ELMO1: variants seen among roughly 807,000 people sequenced by gnomAD.
ELMO1 encodes engulfment and cell motility 1.
A neutral mutation model predicts 98.9 loss-of-function variants in ELMO1; 26 were observed. The observed-to-expected ratio is 0.26, with a 90% CI of 0.19 to 0.36. ELMO1 has a LOEUF of 0.36. ELMO1 is among the 10% of genes least tolerant of loss of function. The pLI, the probability that ELMO1 is intolerant of heterozygous loss-of-function variation, is 1.00. For synonymous variants in ELMO1, 346 were observed against 346.0 expected (o/e 1.00, Z 0.00); for missense variants, 627 against 935.2 (o/e 0.67, Z 4.30).
chr7:37,381,517 TCTTAA>T (rs1802580530), intron 1 of ELMO1, among the ~76,000 whole-genome samples: 1 of 152,200 alleles, frequency 6.6e-6, no homozygotes. Flanking sequence ...GGCTACTACC[TCTTAA>T]GTGACAATTC....
intron 15 of ELMO1, among the ~76,000 whole-genome samples, chr7:37,047,586 G>C (rs938472223): frequency 5.8e-4 from 88 of 152,218 alleles, no homozygotes; most frequent in African/African-American, 2.1e-3. Flanking sequence ...CTGCAACACA[G>C]TTGCCACCTC....
At chr7:37,399,763 A>G (rs1803447936) in intron 1 of ELMO1, among the ~76,000 whole-genome samples, 1 of 152,184 alleles carries the variant, frequency 6.6e-6, no homozygotes, top group African/African-American at 2.4e-5. Context: ...CATGATCTTC[A>G]AGGGACCATT....
At chr7:37,108,382 A>G (rs1785055507) in intron 14 of ELMO1, among the ~76,000 whole-genome samples, 1 of 152,080 alleles carries the variant, frequency 6.6e-6, no homozygotes, top group Non-Finnish European at 1.5e-5. Context: ...CTTCAGACCC[A>G]ATCCAGATGT....
intron 16 of ELMO1, among the ~76,000 whole-genome samples, chr7:36,898,268 T>C (rs1243111568): frequency 6.6e-6 from 1 of 152,146 alleles, no homozygotes; most frequent in Non-Finnish European, 1.5e-5. Flanking sequence ...CATCACACCC[T>C]TTACCATTTG....
intron 2 of ELMO1, among the ~76,000 whole-genome samples, chr7:37,317,661 T>C (rs767665761): frequency 1.2e-4 from 18 of 152,128 alleles, no homozygotes; most frequent in Non-Finnish European, 2.1e-4. Context: ...GAAGAATGGT[T>C]ACCAGAAGCT....
intron 1 of ELMO1, among the ~76,000 whole-genome samples, chr7:37,393,425 T>TATTTCACCAATAATTGTTCAATTCCC (rs1451351977): frequency 1.3e-5 from 2 of 152,208 alleles, no homozygotes; most frequent in African/African-American, 4.8e-5. Context: ...TATAGTAAAT[T>TATTTCACCAATAATTGTTCAATTCCC]ATTTCACCAA....
chr7:37,339,906 C>A (rs1407103709), intron 2 of ELMO1, among the ~76,000 whole-genome samples: 1 of 152,056 alleles, frequency 6.6e-6, no homozygotes, highest in Non-Finnish European at 1.5e-5. Context: ...TACATTTCTG[C>A]CAAAAATACA....
chr7:37,340,806 C>T (rs1800672323), intron 2 of ELMO1, among the ~76,000 whole-genome samples: 1 of 152,162 alleles, frequency 6.6e-6, no homozygotes, highest in Non-Finnish European at 1.5e-5. Context: ...ACTACACTAA[C>T]CTCACAGGTA....
intron 13 of ELMO1, among the ~76,000 whole-genome samples, chr7:37,160,731 T>C (rs1358738527): frequency 6.6e-6 from 1 of 152,144 alleles, no homozygotes; most frequent in Non-Finnish European, 1.5e-5. Context: ...TGCCCACCAG[T>C]CACGTGGCTT....
chr7:37,409,603 G>C (rs1803912567), intron 1 of ELMO1, among the ~76,000 whole-genome samples: 1 of 152,234 alleles, frequency 6.6e-6, no homozygotes, highest in African/African-American at 2.4e-5. Context: ...AACTCAGCCA[G>C]GCCCGTGGGC....
At chr7:37,394,368 G>A (rs1404527241) in intron 1 of ELMO1, among the ~76,000 whole-genome samples, 1 of 152,156 alleles carries the variant, frequency 6.6e-6, no homozygotes, top group Non-Finnish European at 1.5e-5. Flanking sequence ...GGTGGGAGGA[G>A]ACTAGAGAAC....
chr7:37,417,680 A>G (rs1221332497), intron 1 of ELMO1, among the ~76,000 whole-genome samples: 1 of 149,756 alleles, frequency 6.7e-6, no homozygotes, highest in Non-Finnish European at 1.5e-5. Context: ...ACACACACAC[A>G]CACAAGCAAA....
chr7:37,426,951 C>T (rs891515229), intron 1 of ELMO1, among the ~76,000 whole-genome samples: 4 of 151,684 alleles, frequency 2.6e-5, no homozygotes, highest in African/African-American at 4.8e-5. Flanking sequence ...TGCCATACAC[C>T]GAGAAACATT....
intron 1 of ELMO1, among the ~76,000 whole-genome samples, chr7:37,408,123 C>A (rs1477526): frequency 0.23 from 35,272 of 152,014 alleles, 4,317 homozygotes; most frequent in East Asian, 0.41. Flanking sequence ...ATATTTGTAA[C>A]CTTGTGTTCC....
In ELMO1 at chr7:37,235,662, G is replaced by A. The variant is rs190722387; in HGVS notation, c.450-2468C>T. 7.2e-5 allele frequency among the ~76,000 whole-genome samples: 11 copies of A among 152,332 alleles called. No homozygotes were observed. In the East Asian group the frequency reaches 9.6e-4, roughly 13 times the overall value. On this transcript the variant is annotated intron_variant, in intron 7 of 21. Transcript: ENST00000310758. ...TGAATCAAACTATTAGCCTAGTGCCGTGGTTCATGCCTGCAATCCCAGCAC... is the reference window on the plus strand; with the variant it reads ...TGAATCAAACTATTAGCCTAGTGCCATGGTTCATGCCTGCAATCCCAGCAC...
chr7:37,056,306 A>C (rs1396863860), intron 15 of ELMO1, among the ~76,000 whole-genome samples: 2 of 152,242 alleles, frequency 1.3e-5, no homozygotes, highest in Non-Finnish European at 2.9e-5. Context: ...CAGGGGCACC[A>C]GGCAGGGTCA....
intron 13 of ELMO1, among the ~76,000 whole-genome samples, chr7:37,169,796 C>T (rs75336136): frequency 3.7e-4 from 56 of 152,330 alleles, no homozygotes; most frequent in African/African-American, 1.3e-3. Context: ...TTGCTTTTGA[C>T]TTGGCATTTT....
At chr7:37,091,442 A>G (rs1453853557) in intron 15 of ELMO1, among the ~76,000 whole-genome samples, 1 of 152,178 alleles carries the variant, frequency 6.6e-6, no homozygotes, top group Non-Finnish European at 1.5e-5. Flanking sequence ...AAGTGCTTTA[A>G]TAACAACAAT....
At chr7:37,075,971 G>C (rs1045530306) in intron 15 of ELMO1, among the ~76,000 whole-genome samples, 1 of 152,202 alleles carries the variant, frequency 6.6e-6, no homozygotes, top group Non-Finnish European at 1.5e-5. Context: ...AATGGGGTGG[G>C]GGTTGAGGGG....
Sources: allele counts gnomAD v4.1 joint callset (sites outside exome capture counted in the v4.1 genomes callset), GRCh38; gene constraint gnomAD v4.1.1; transcripts MANE v1.5; gene names NCBI Gene and HGNC (gene_info 2026-07-23, HGNC 2026-07-21).